IGSF11: variants seen among roughly 807,000 people sequenced by gnomAD.
IGSF11 encodes the protein CXADR like 1.
In IGSF11, 22 loss-of-function variants were observed where a neutral mutation model predicts 41.0. That is an observed-to-expected ratio of 0.54 (90% confidence interval 0.38 to 0.77). The LOEUF (loss-of-function observed/expected upper bound fraction) is 0.77. Among genes scored for constraint, IGSF11 ranks in the 30% least tolerant of loss-of-function variants. IGSF11 has a pLI of 0.00. For synonymous variants in IGSF11, 219 were observed against 201.3 expected (o/e 1.09, Z -0.74); for missense variants, 444 against 530.8 (o/e 0.84, Z 1.61).
chr3:118,957,235 C>T (rs992487805), intron 1 of IGSF11, among the ~76,000 whole-genome samples: 3 of 152,134 alleles, frequency 2.0e-5, no homozygotes, highest in African/African-American at 4.8e-5. Flanking sequence ...ACTGACTAGA[C>T]GATGTCTACT....
intron 1 of IGSF11, among the ~76,000 whole-genome samples, chr3:118,950,106 T>C (rs1345073842): frequency 2.0e-5 from 3 of 152,182 alleles, no homozygotes; most frequent in African/African-American, 4.8e-5. Context: ...TTACTTCCCA[T>C]TAACCATATA....
At chr3:119,017,931 C>T (rs1481402388) in intron 1 of IGSF11, among the ~76,000 whole-genome samples, 5 of 151,546 alleles carry the variant, frequency 3.3e-5, no homozygotes, top group East Asian at 1.9e-4. Flanking sequence ...TACAGGTATG[C>T]GCCACCATGC....
chr3:119,057,577 C>T (rs1342678085), intron 1 of IGSF11, among the ~76,000 whole-genome samples: 6 of 152,156 alleles, frequency 3.9e-5, no homozygotes, highest in Non-Finnish European at 8.8e-5. Context: ...AATGCCATCC[C>T]CATCAAGCTA....
chr3:119,117,808 A>C (rs1259018312), intron 1 of IGSF11, among the ~76,000 whole-genome samples: 1 of 152,216 alleles, frequency 6.6e-6, no homozygotes, highest in Admixed American at 6.5e-5. Flanking sequence ...AGGGTACAGG[A>C]ATTGGGTAAA....
intron 1 of IGSF11, among the ~76,000 whole-genome samples, chr3:119,026,968 A>G (rs968084208): frequency 6.6e-6 from 1 of 152,198 alleles, no homozygotes; most frequent in African/African-American, 2.4e-5. Flanking sequence ...AGCAATATCA[A>G]AATTTTGGAA....
Position 118,904,718 on chromosome 3 carries a change from A to T in IGSF11, c.784T>A (p.Leu262Ile). 1 of 1,613,232 alleles carries T rather than the reference A, an allele frequency of 6.2e-7. No individual in the cohort carries two copies. Among genetic ancestry groups the T allele is most frequent in the Non-Finnish European group, 8.5e-7 (1 of 1,179,282 alleles). ...CTTCTCCAGTAAAAGAATGCCCCTAAAATTAGTGCAATGCAAAAAATGATA... is the reference window on the plus strand; with the variant it reads ...CTTCTCCAGTAAAAGAATGCCCCTATAATTAGTGCAATGCAAAAAATGATA... ...VIIIFCIALI[L>I]GAFFYWRSKN... The change falls in exon 6 of 7, where the codon TTA (leucine) becomes ATA (isoleucine). Residue 262 changes from leucine to isoleucine, a missense_variant. Around this residue, in one of 3 missense-constraint regions of IGSF11, gnomAD observed 223 missense variants for 226.2 expected, o/e 0.99. Transcript: ENST00000393775.
chr3:119,065,353 T>C (rs1374162376), intron 1 of IGSF11, among the ~76,000 whole-genome samples: 1 of 152,214 alleles, frequency 6.6e-6, no homozygotes, highest in African/African-American at 2.4e-5. Flanking sequence ...CTGTGAAATC[T>C]CCTGGTCATC....
intron 1 of IGSF11, among the ~76,000 whole-genome samples, chr3:119,044,281 C>T (rs1301604029): frequency 6.6e-6 from 1 of 151,942 alleles, no homozygotes; most frequent in Non-Finnish European, 1.5e-5. Context: ...GAAGTTTCAG[C>T]AATCAAATCG....
intron 2 of IGSF11, among the ~76,000 whole-genome samples, chr3:118,929,587 T>C (rs567436857): frequency 1.3e-5 from 2 of 152,342 alleles, no homozygotes; most frequent in African/African-American, 2.4e-5. Context: ...GTCTTTTTCC[T>C]GTAATTGATA....
chr3:119,130,596 A>G (rs930013656), intron 1 of IGSF11, among the ~76,000 whole-genome samples: 3 of 152,240 alleles, frequency 2.0e-5, no homozygotes, highest in African/African-American at 7.2e-5. Context: ...AGCAAGACCT[A>G]CTGCCTCTGT....
At chr3:118,994,416 G>C (rs544771562) in intron 1 of IGSF11, among the ~76,000 whole-genome samples, 19 of 152,286 alleles carry the variant, frequency 1.2e-4, no homozygotes, top group Non-Finnish European at 2.2e-4. Context: ...TAGCACTTTG[G>C]GTGGCTGAGG....
intron 1 of IGSF11, among the ~76,000 whole-genome samples, chr3:118,973,388 T>C (rs1007916814): frequency 3.3e-5 from 5 of 152,226 alleles, no homozygotes; most frequent in Non-Finnish European, 5.9e-5. Context: ...TCATTTTTTC[T>C]GTCAAGTGCC....
intron 1 of IGSF11, among the ~76,000 whole-genome samples, chr3:118,937,551 G>A (rs2107549594): frequency 6.6e-6 from 1 of 151,790 alleles, no homozygotes. Context: ...ATTATATTTT[G>A]GCCATCTACT....
At chr3:119,091,743 A>G (rs1246911311) in intron 1 of IGSF11, among the ~76,000 whole-genome samples, 3 of 152,172 alleles carry the variant, frequency 2.0e-5, no homozygotes, top group Non-Finnish European at 4.4e-5. Context: ...ACCTCCTATC[A>G]GATACTGTGC....
At chr3:118,953,115 G>T (rs1944693248) in intron 1 of IGSF11, among the ~76,000 whole-genome samples, 1 of 152,096 alleles carries the variant, frequency 6.6e-6, no homozygotes, top group Admixed American at 6.5e-5. Context: ...AACCCTCACA[G>T]CTTAGCTCCC....
intron 1 of IGSF11, among the ~76,000 whole-genome samples, chr3:119,075,978 G>C (rs888695119): frequency 1.3e-5 from 2 of 152,148 alleles, no homozygotes; most frequent in Non-Finnish European, 2.9e-5. Context: ...AAAGAACAAA[G>C]CTGGAGGCAT....
At chr3:119,119,062 C>T (rs562141753) in intron 1 of IGSF11, among the ~76,000 whole-genome samples, 3 of 152,288 alleles carry the variant, frequency 2.0e-5, no homozygotes, top group South Asian at 4.1e-4. Flanking sequence ...CCACATTTTC[C>T]TGTCTTCTTC....
intron 1 of IGSF11, among the ~76,000 whole-genome samples, chr3:118,961,617 T>C (rs1243284262): frequency 6.6e-6 from 1 of 152,120 alleles, no homozygotes; most frequent in African/African-American, 2.4e-5. Flanking sequence ...GATCCTACAG[T>C]TCTTGGCCTA....
exon 1 of IGSF11, chr3:119,105,205 C>A (rs1198844639): frequency 1.3e-6 from 2 of 1,565,682 alleles, no homozygotes; most frequent in African/African-American, 2.9e-5. Flanking sequence ...ATTCTTCTTG[C>A]CTGAGGAAGG....
Sources: allele counts gnomAD v4.1 joint callset (sites outside exome capture counted in the v4.1 genomes callset), GRCh38; gene constraint gnomAD v4.1.1; regional missense constraint gnomAD v4.1.1; transcripts MANE v1.5; gene names NCBI Gene and HGNC (gene_info 2026-07-23, HGNC 2026-07-21).